Variants in SGK1 observed in about 807,000 individuals in gnomAD.
SGK1 encodes the protein serine/threonine-protein kinase Sgk1.
A neutral mutation model predicts 64.2 loss-of-function variants in SGK1; 26 were observed. The ratio of observed to expected loss-of-function variants is 0.40; its 90% CI spans 0.30 to 0.56. The LOEUF is 0.56. Among genes scored for constraint, SGK1 ranks in the 20% least tolerant of loss-of-function variants. SGK1 has a pLI of 0.38. For synonymous variants in SGK1, 265 were observed against 239.7 expected (o/e 1.11, Z -0.98); for missense variants, 519 against 645.6 (o/e 0.80, Z 2.12).
chr6:134,169,986 C>T lies in SGK1; in HGVS notation c.*282G>A. On this transcript the variant is annotated 3_prime_UTR_variant, in exon 14 of 14. Coordinates refer to ENST00000367858, the MANE Select transcript of SGK1 (RefSeq NM_001143676.3). ...CCTTTTTTAGAACAGCGTCCGCTTT[C>T]TAACGAAACTCCTGCCTCCGTCTAA... 4.3e-6 allele frequency: 1 copy of T among 232,356 alleles called. No homozygotes were observed. 14.4% of individuals were successfully genotyped at this position (232,356 alleles called of 1,614,324 possible). A position where few individuals can be genotyped will look rare whatever the true frequency, so the allele number is the denominator to read the frequency against.
intron 1 of SGK1, among the ~76,000 whole-genome samples, chr6:134,308,074 C>T (rs1250729006): frequency 6.6e-6 from 1 of 152,060 alleles, no homozygotes; most frequent in Non-Finnish European, 1.5e-5. Flanking sequence ...TTTATACTAC[C>T]CCTCCACAGC....
chr6:134,185,871 A>T (rs993486759), intron 3 of SGK1, among the ~76,000 whole-genome samples: 1 of 152,080 alleles, frequency 6.6e-6, no homozygotes, highest in African/African-American at 2.4e-5. Flanking sequence ...CGAAGGCCGG[A>T]GAAGAAGCAT....
intron 3 of SGK1, among the ~76,000 whole-genome samples, chr6:134,190,281 T>C (rs1441676830): frequency 6.7e-6 from 1 of 148,642 alleles, no homozygotes; most frequent in Non-Finnish European, 1.5e-5. Flanking sequence ...GTTCCTTCCT[T>C]CCTTCCTTTT....
Position 134,207,052 on chromosome 6 carries a change from C to T in SGK1, c.361+304G>A, listed in dbSNP as rs549485980. On this transcript the variant is annotated intron_variant, in intron 3 of 13. Transcript: ENST00000367858. ...CATCCTGGCTGACACGGTGAAACACCATCTCTACTAAAAATACAAAAAAAT... is the reference window on the plus strand; with the variant it reads ...CATCCTGGCTGACACGGTGAAACACTATCTCTACTAAAAATACAAAAAAAT... 2.2e-3 allele frequency among the ~76,000 whole-genome samples: 330 copies of T among 151,670 alleles called. 3 individuals carry two copies. The highest frequency in any genetic ancestry group is 3.5e-3 in the Non-Finnish European group (241 of 67,890).
intron 1 of SGK1, among the ~76,000 whole-genome samples, chr6:134,273,234 A>G (rs981100880): frequency 3.4e-5 from 5 of 147,392 alleles, no homozygotes; most frequent in African/African-American, 1.2e-4. Context: ...AGAGTTTTAT[A>G]CAAAGGGCCA....
At chr6:134,297,900 C>T (rs1562278002) in intron 1 of SGK1, 2 of 808,926 alleles carry the variant, frequency 2.5e-6, no homozygotes. Context: ...AGCCTCACTC[C>T]GGCTGCGGTT....
Position 134,169,816 on chromosome 6 carries a change from C to A in SGK1, c.*452G>T, listed in dbSNP as rs1774949600. 1 of 153,114 alleles carries A rather than the reference C, an allele frequency of 6.5e-6. No individual in the cohort carries two copies. The highest frequency in any genetic ancestry group is 2.4e-5 in the African/African-American group (1 of 41,452). The allele number at this position is 153,114 out of a possible 1,614,324, so 9.5% of individuals were successfully genotyped here. ...TCTGTGATCAGGCATACCACACTCA[C>A]ACGACGGTTCACACAGCATATCCAC... is the stretch of plus-strand genomic sequence containing the variant. On this transcript the variant is annotated 3_prime_UTR_variant, in exon 14 of 14. Transcript: ENST00000367858.
Position 134,261,979 on chromosome 6 carries a change from G to C in SGK1, c.239C>G (p.Pro80Arg). 1.2e-6 allele frequency: 2 copies of C among 1,613,710 alleles called. No homozygotes were observed. The highest frequency in any genetic ancestry group is 1.3e-5 in the African/African-American group (1 of 75,042). The change falls in exon 2 of 14, where the codon CCT becomes CGT. Residue 80 changes from proline to arginine, a missense_variant. Physicochemically the swap from Pro to Arg is moderately radical, Grantham distance 103 (BLOSUM62 -2). Transcript: ENST00000367858. ...GEHAFQRGVLPQENESCSWET... is the reference protein window; with the variant it reads ...GEHAFQRGVLRQENESCSWET... ...CCATGAACATGACTCGTTCTCCTGA[G>C]GGAGAACCCCTCTTTGGAAAGCATG...
rs764674965 is a variant in SGK1 at position 134,173,557 on chromosome 6, A to G, written c.523T>C (p.Ser175Pro). 1 of 1,601,158 alleles carries G rather than the reference A, an allele frequency of 6.2e-7. No individual in the cohort carries two copies. Residue 175 changes from serine to proline, a missense_variant, in exon 6 of 14, where the codon TCT becomes CCT. Physicochemically the swap from Ser to Pro is moderately conservative, Grantham distance 74. Transcript: ENST00000367858. ...NANPSPPPSP[S>P]QQINLGPSSN... The stretch of plus-strand genomic sequence containing the variant: ...GACGGGCCAAGGTTGATTTGCTGAG[A>G]AGGACTTGGCTAGAAAAAAAAAAAA...
chr6:134,192,405 T>C (rs1301763140), intron 3 of SGK1, among the ~76,000 whole-genome samples: 1 of 152,216 alleles, frequency 6.6e-6, no homozygotes, highest in African/African-American at 2.4e-5. Context: ...TTTTCCTAAA[T>C]CCTTTGCATT....
chr6:134,253,940 C>T (rs993769458), intron 2 of SGK1, among the ~76,000 whole-genome samples: 15 of 152,020 alleles, frequency 9.9e-5, no homozygotes, highest in African/African-American at 2.7e-4. Flanking sequence ...AATTGAAAGA[C>T]GGACAGCGGA....
At position 134,207,378 on chromosome 6, in the gene SGK1, G is replaced by A. The variant is rs766523903; in HGVS notation, c.339C>T (p.Thr113=). Residue 113 remains threonine (T), a synonymous_variant, in exon 3 of 14, where the codon ACC becomes ACT. Transcript: ENST00000367858. ...ANILTKPDPR[T]FWTNDDPAFM... is the part of the protein sequence containing the mutation. ...TACCTGGATCATCATTAGTCCAGAA[G>A]GTTCTTGGATCGGGCTTGGTCAGGA... 1.8e-5 allele frequency: 29 copies of A among 1,610,088 alleles called. No individual in the cohort carries two copies. The highest frequency in any genetic ancestry group is 8.9e-5 in the East Asian group (4 of 44,882).
At chr6:134,315,939 A>AT (rs1777678873) in intron 1 of SGK1, among the ~76,000 whole-genome samples, 1 of 152,228 alleles carries the variant, frequency 6.6e-6, no homozygotes, top group African/African-American at 2.4e-5. Flanking sequence ...GGAAAGAAAT[A>AT]TTTTAGCTAC....
rs112958871 is a variant in SGK1 at position 134,248,686 on chromosome 6, G to A, written c.285+13247C>T. Among the ~76,000 whole-genome samples the A allele has an allele frequency of 6.7e-3, 1,012 of 151,860 alleles. 18 individuals are homozygous for A. The highest frequency in any genetic ancestry group is 0.023 in the African/African-American group (964 of 41,422). ...AGGCTGGTCTCAAACTACCTGCCTC[G>A]GCCTTATTTACAGGTTTTGTCTCCT... On this transcript the variant is annotated intron_variant, in intron 2 of 13. Coordinates refer to ENST00000367858, the MANE Select transcript of SGK1 (RefSeq NM_001143676.3).
At chr6:134,224,996 G>C (rs1776147204) in intron 2 of SGK1, among the ~76,000 whole-genome samples, 1 of 131,790 alleles carries the variant, frequency 7.6e-6, no homozygotes, top group Non-Finnish European at 1.5e-5. Flanking sequence ...TTCCAGCCTG[G>C]AGACTCCATC....
chr6:134,237,602 G>A (rs978660782), intron 2 of SGK1, among the ~76,000 whole-genome samples: 12 of 152,034 alleles, frequency 7.9e-5, no homozygotes, highest in Non-Finnish European at 1.8e-4. Flanking sequence ...GCTTGAACCC[G>A]GGAAGGCAGA....
chr6:134,195,405 G>GT (rs936264117), intron 3 of SGK1, among the ~76,000 whole-genome samples: 3 of 152,216 alleles, frequency 2.0e-5, no homozygotes, highest in African/African-American at 4.8e-5. Context: ...CCAAGGCAGA[G>GT]TGAGGGGCCT....
intron 3 of SGK1, among the ~76,000 whole-genome samples, chr6:134,194,146 C>G (rs1775560975): frequency 1.3e-5 from 2 of 150,756 alleles, no homozygotes; most frequent in African/African-American, 4.9e-5. Context: ...GAACTTTACA[C>G]AGACTGTGGC....
chr6:134,261,288 CGTT>C (rs1208266742), intron 2 of SGK1: 2 of 153,002 alleles, frequency 1.3e-5, no homozygotes, highest in Non-Finnish European at 2.9e-5. Context: ...CTATTACAAT[CGTT>C]GTATCATCTA....
Sources: gnomAD v4.1 joint callset for allele counts (sites outside exome capture counted in the v4.1 genomes callset) on GRCh38, gnomAD v4.1.1 for gene constraint, MANE v1.5 for transcripts, NCBI Gene and HGNC (gene_info 2026-07-23, HGNC 2026-07-21) for gene names.